The following TMEM144 variants were observed in gnomAD, a reference collection of about 807,000 sequenced individuals.
The protein encoded by TMEM144 is transmembrane protein 144.
A neutral mutation model predicts 43.6 loss-of-function variants in TMEM144; 39 were observed. The observed-to-expected ratio is 0.90, with a 90% CI of 0.69 to 1.17. The LOEUF is 1.17. TMEM144 is among the 50% of genes most tolerant of loss of function. TMEM144 has a pLI of 0.00. For synonymous variants in TMEM144, 154 were observed against 133.6 expected (o/e 1.15, Z -1.06); for missense variants, 417 against 411.9 (o/e 1.01, Z -0.11).
At position 158,242,848 on chromosome 4, in the gene TMEM144, T is replaced by C. The variant is rs530880571; in HGVS notation, c.900+1242T>C. ...TAGTTTACAAAAGGAAAATATACAATCCAAATTACCAAAACTGTTGTATCT... is the reference window on the plus strand; with the variant it reads ...TAGTTTACAAAAGGAAAATATACAACCCAAATTACCAAAACTGTTGTATCT... On this transcript the variant is annotated intron_variant, in intron 11 of 12. Transcript: ENST00000296529. 2.0e-4 allele frequency among the ~76,000 whole-genome samples: 30 copies of C among 152,266 alleles called. No individual in the cohort carries two copies. The East Asian group carries it at 5.4e-3, about 27-fold the overall frequency.
At chr4:158,249,933 T>TGTGTGTGTGTGTGTGTGTGTG (rs70958884) in intron 12 of TMEM144, among the ~76,000 whole-genome samples, 32 of 136,066 alleles carry the variant, frequency 2.4e-4, no homozygotes, top group South Asian at 9.8e-4. Context: ...TGTGTGTGTG[T>TGTGTGTGTGTGTGTGTGTGTG]TTAAATAAGC....
chr4:158,232,147 TG>T (rs1165534287), intron 6 of TMEM144, among the ~76,000 whole-genome samples: 2 of 152,248 alleles, frequency 1.3e-5, no homozygotes, highest in African/African-American at 4.8e-5. Context: ...CAAATTTGCA[TG>T]GCTTAAAAGC....
intron 12 of TMEM144, among the ~76,000 whole-genome samples, chr4:158,246,221 T>C (rs1357565100): frequency 6.6e-6 from 1 of 152,200 alleles, no homozygotes; most frequent in Non-Finnish European, 1.5e-5. Flanking sequence ...AAATACTCTT[T>C]TATAAGAATT....
Position 158,237,578 on chromosome 4 carries a change from C to T in TMEM144, c.617C>T (p.Pro206Leu). The T allele has an allele frequency of 6.2e-7, 1 of 1,613,888 alleles. No individual in the cohort carries two copies. The highest frequency in any genetic ancestry group is 8.5e-7 in the Non-Finnish European group (1 of 1,179,912). The change falls in exon 9 of 13, where the codon CCA (proline) becomes CTA (leucine). Residue 206 changes from proline to leucine, a missense_variant. Pro to Leu is a moderately conservative substitution (Grantham distance 98). Coordinates refer to ENST00000296529, the MANE Select transcript of TMEM144 (RefSeq NM_018342.5). ...GTACTCTATGGATCTACATTTGTGC[C>T]AATCATCTACATCAAGGACCACAGC... ...SGVLYGSTFV[P>L]IIYIKDHSKR...
chr4:158,244,422 G>C, intron 12 of TMEM144, 73 bp downstream of exon 12: 2 of 1,286,248 alleles, frequency 1.6e-6, no homozygotes, highest in Non-Finnish European at 2.2e-6. Flanking sequence ...CGCTTGTCCT[G>C]GCACTTTGGG....
intron 6 of TMEM144, among the ~76,000 whole-genome samples, chr4:158,220,311 ATG>A (rs1301588183): frequency 1.3e-5 from 2 of 152,190 alleles, no homozygotes; most frequent in Non-Finnish European, 2.9e-5. Flanking sequence ...AGGCAATTTT[ATG>A]TATTTTGTAT....
chr4:158,230,588 T>C (rs547730893), intron 6 of TMEM144, among the ~76,000 whole-genome samples: 1 of 151,878 alleles, frequency 6.6e-6, no homozygotes, highest in African/African-American at 2.4e-5. Flanking sequence ...CTTACAAATA[T>C]ATATATATAT....
At chr4:158,211,339 A>G (rs1276329278) in intron 1 of TMEM144, 114 bp from the exon 2 acceptor site, 1 of 152,238 alleles carries the variant, frequency 6.6e-6, no homozygotes, top group African/African-American at 2.4e-5. Flanking sequence ...CTTGAAGGTT[A>G]GACATTCTCT....
chr4:158,240,561 T>A, intron 10 of TMEM144, 143 bp downstream of exon 10: 1 of 790,318 alleles, frequency 1.3e-6, no homozygotes, highest in Non-Finnish European at 1.8e-6. Context: ...TGTGTGTGCA[T>A]GTTCATTCCC....
intron 6 of TMEM144, among the ~76,000 whole-genome samples, chr4:158,225,866 C>G (rs555816020): frequency 6.0e-4 from 91 of 152,316 alleles, no homozygotes; most frequent in African/African-American, 2.1e-3. Flanking sequence ...GCTGGATGGC[C>G]CTCGGGGGCT....
At chr4:158,217,181 G>GA (rs1734264047) in intron 4 of TMEM144, 140 bp from the exon 5 acceptor site, 2 of 558,108 alleles carry the variant, frequency 3.6e-6, no homozygotes, top group African/African-American at 1.9e-5. Flanking sequence ...TTATTTTACT[G>GA]AAAAAATAAG....
At chr4:158,234,679 A>G (rs1735252252) in intron 7 of TMEM144, 1 of 152,224 alleles carries the variant, frequency 6.6e-6, no homozygotes, top group African/African-American at 2.4e-5. Flanking sequence ...ATGTCTTTGT[A>G]TCTGATCACT....
intron 7 of TMEM144, chr4:158,235,200 C>A: frequency 6.8e-6 from 3 of 444,040 alleles, no homozygotes; most frequent in South Asian, 4.0e-5. Flanking sequence ...ATCACAATAG[C>A]CACATATTAA....
At chr4:158,249,083 T>C (rs917392798) in intron 12 of TMEM144, among the ~76,000 whole-genome samples, 12 of 152,096 alleles carry the variant, frequency 7.9e-5, no homozygotes, top group African/African-American at 2.2e-4. Flanking sequence ...ATTTTTGTAT[T>C]TTTAGTAGAG....
intron 9 of TMEM144, among the ~76,000 whole-genome samples, chr4:158,238,263 T>C (rs1452974642): frequency 6.6e-6 from 1 of 152,160 alleles, no homozygotes; most frequent in African/African-American, 2.4e-5. Context: ...AATAAGATCA[T>C]TCATAAAATA....
At chr4:158,212,906 T>G (rs1734032459) in intron 3 of TMEM144, 130 bp downstream of exon 3, 1 of 774,902 alleles carries the variant, frequency 1.3e-6, no homozygotes, top group Non-Finnish European at 2.2e-6. Context: ...GAGCTTAAAA[T>G]TAGTCATTTG....
chr4:158,210,783 T>G (rs1733919240), intron 1 of TMEM144, 197 bp downstream of exon 1: 1 of 152,136 alleles, frequency 6.6e-6, no homozygotes, highest in Non-Finnish European at 1.5e-5. Flanking sequence ...AAAATGAAAT[T>G]TTAGTTGGAG....
intron 1 of TMEM144, chr4:158,211,168 T>A (rs1415951432): frequency 1.3e-5 from 2 of 152,218 alleles, no homozygotes; most frequent in Non-Finnish European, 2.9e-5. Flanking sequence ...GTACAAGAGC[T>A]GCATGCAATA....
chr4:158,254,468 T>C lies in TMEM144; in HGVS notation c.*941T>C, dbSNP rs539428691. 1 of 137,912 alleles carries C rather than the reference T, an allele frequency of 7.3e-6. No homozygotes were observed. Among genetic ancestry groups the C allele is most frequent in the Admixed American group, 7.7e-5 (1 of 12,936 alleles). 8.5% of individuals were successfully genotyped at this position (137,912 alleles called of 1,614,324 possible). Reference sequence around the variant, plus strand: ...TTTTTTTTTTTTTTTTTAAGAAAACTGAAATTAAGCCAGGCAGGGTGGCGC... The same window carrying C: ...TTTTTTTTTTTTTTTTTAAGAAAACCGAAATTAAGCCAGGCAGGGTGGCGC... On this transcript the variant is annotated 3_prime_UTR_variant, in exon 13 of 13. Transcript: ENST00000296529.
Sources: allele counts gnomAD v4.1 joint callset (sites outside exome capture counted in the v4.1 genomes callset), GRCh38; gene constraint gnomAD v4.1.1; transcripts MANE v1.5; gene names NCBI Gene and HGNC (gene_info 2026-07-23, HGNC 2026-07-21).